The following NWD2 variants were observed in gnomAD, a reference collection of about 807,000 sequenced individuals.
The protein encoded by NWD2 is NACHT and WD repeat domain-containing protein 2.
A neutral mutation model predicts 132.7 loss-of-function variants in NWD2; 37 were observed. The observed-to-expected ratio is 0.28, with a 90% CI of 0.21 to 0.37. The LOEUF is 0.37. NWD2 is among the 10% of genes least tolerant of loss of function. The pLI is 1.00. For synonymous variants in NWD2, 705 were observed against 803.0 expected, an observed-to-expected ratio of 0.88 and a Z score of 2.06; for missense variants, 1,592 against 2,122.4, an observed-to-expected ratio of 0.75 and a Z score of 4.91.
intron 3 of NWD2, among the ~76,000 whole-genome samples, chr4:37,408,980 C>T (rs1231801455): frequency 1.3e-5 from 2 of 151,804 alleles, no homozygotes; most frequent in African/African-American, 4.8e-5. Flanking sequence ...AATAGCATGT[C>T]CACTCAAAGA....
At chr4:37,245,360 G>A (rs1307305300) in intron 1 of NWD2, 142 bp downstream of exon 1, 34 of 1,062,482 alleles carry the variant, frequency 3.2e-5, no homozygotes, top group Non-Finnish European at 4.4e-5. Flanking sequence ...TGAGCGCGTG[G>A]GAATTTAATT....
rs1469788300 is a variant in NWD2, at chr4:37,430,568, A to G, written c.358-4A>G. 6.5e-7 allele frequency: 1 copy of G among 1,549,748 alleles called. No individual in the cohort carries two copies. The highest frequency in any genetic ancestry group is 8.7e-7 in the Non-Finnish European group (1 of 1,145,316). ...CTAAATTGAACTTTCTTGTTGATAC[A>G]CAGGGACTATTAGGTGAAAAATATG... On this transcript the variant is annotated splice_polypyrimidine_tract_variant and splice_region_variant and intron_variant, in intron 3 of 6. Transcript: ENST00000309447.
chr4:37,346,282 T>C (rs1157733984), intron 2 of NWD2, among the ~76,000 whole-genome samples: 1 of 152,174 alleles, frequency 6.6e-6, no homozygotes, highest in Non-Finnish European at 1.5e-5. Context: ...GGATGTGACA[T>C]TGAATTGTTT....
At chr4:37,268,312 T>C (rs534827361) in intron 1 of NWD2, among the ~76,000 whole-genome samples, 1 of 152,134 alleles carries the variant, frequency 6.6e-6, no homozygotes, top group Non-Finnish European at 1.5e-5. Flanking sequence ...TTTAAGGTTT[T>C]GGTTTAAAAT....
chr4:37,443,755 A>G lies in NWD2; in HGVS notation c.1767A>G (p.Lys589=). The G allele has an allele frequency of 6.4e-7, 1 of 1,551,964 alleles. No individual in the cohort carries two copies. Among genetic ancestry groups the G allele is most frequent in the Non-Finnish European group, 8.7e-7 (1 of 1,147,070 alleles). The change falls in exon 7 of 7, where the codon AAA becomes AAG. Residue 589 remains lysine, a synonymous_variant. Transcript: ENST00000309447. The surrounding 1 kb of genome is among the most constrained non-coding windows in gnomAD (Gnocchi z 4.1). The stretch of plus-strand genomic sequence containing the variant: ...TCAAACACCAGCTGCTGCGCGTCAA[A>G]AGGAAGGTCACATCAGGCCAGCAGA... ...QVLKHQLLRV[K]RKVTSGQQIY... is the part of the protein sequence containing the mutation.
At position 37,444,866 on chromosome 4, in the gene NWD2, C is replaced by T. The variant is rs762441618; in HGVS notation, c.2878C>T (p.Arg960Cys). The change falls in exon 7 of 7, where the codon CGT becomes TGT. Residue 960 changes from arginine to cysteine, a missense_variant. Transcript: ENST00000309447. This position sits in a 1 kb window ranked among gnomAD's most constrained non-coding sequence, Gnocchi z 4.8. Reference protein sequence around the residue: ...SSMDVTYSPERLPLSSSHLHV... With the variant: ...SSMDVTYSPECLPLSSSHLHV... ...CATGGATGTGACATACAGCCCAGAGCGTCTTCCCTTATCATCCAGTCACCT... is the reference window on the plus strand; with the variant it reads ...CATGGATGTGACATACAGCCCAGAGTGTCTTCCCTTATCATCCAGTCACCT... 5.3e-5 allele frequency: 83 copies of T among 1,552,132 alleles called. No homozygotes were observed. Among genetic ancestry groups the T allele is most frequent in the East Asian group, 9.8e-5 (4 of 40,928 alleles).
At chr4:37,418,019 A>C (rs907595877) in intron 3 of NWD2, among the ~76,000 whole-genome samples, 3 of 152,192 alleles carry the variant, frequency 2.0e-5, no homozygotes, top group Non-Finnish European at 2.9e-5. Flanking sequence ...CAAAGTAGCA[A>C]CAACAACATC....
chr4:37,405,411 T>C (rs1460818609), intron 3 of NWD2, among the ~76,000 whole-genome samples: 1 of 148,928 alleles, frequency 6.7e-6, no homozygotes, highest in Non-Finnish European at 1.5e-5. Flanking sequence ...AGCAATTTTT[T>C]AGTTGAATGT....
At chr4:37,301,011 A>C (rs1432286523) in intron 1 of NWD2, among the ~76,000 whole-genome samples, 4 of 152,084 alleles carry the variant, frequency 2.6e-5, no homozygotes, top group African/African-American at 9.7e-5. Flanking sequence ...TTTTTCTTCT[A>C]CCTTCTAAAG....
intron 3 of NWD2, among the ~76,000 whole-genome samples, chr4:37,382,794 A>C (rs986413904): frequency 1.8e-4 from 28 of 151,874 alleles, no homozygotes; most frequent in Non-Finnish European, 3.7e-4. Flanking sequence ...AGGTTCAAGC[A>C]ATTCTTGTGC....
rs1380381585 is a variant in NWD2 at position 37,364,868 on chromosome 4, CA to C, written c.357+8387del. ...CAGAGAGCTACATTTTGAACGGGGC[CA>C]TATTTTAAACCAAAAATATGACAAC... On this transcript the variant is annotated intron_variant, in intron 3 of 6. Transcript: ENST00000309447. Among the ~76,000 whole-genome samples, 5 of 152,208 alleles carry C rather than the reference CA, an allele frequency of 3.3e-5. No homozygotes were observed. In the South Asian group the frequency reaches 1.0e-3, roughly 32 times the overall value.
chr4:37,352,200 G>C (rs1719782595), intron 2 of NWD2, among the ~76,000 whole-genome samples: 1 of 152,064 alleles, frequency 6.6e-6, no homozygotes, highest in Non-Finnish European at 1.5e-5. Context: ...TAAGTCCCCT[G>C]TTCCAGAGCT....
intron 2 of NWD2, among the ~76,000 whole-genome samples, chr4:37,342,342 G>C (rs986921866): frequency 6.6e-6 from 1 of 152,040 alleles, no homozygotes; most frequent in Non-Finnish European, 1.5e-5. Flanking sequence ...AAAGCTTCCT[G>C]ATGCCCCACC....
rs371424148 is a variant in NWD2 at position 37,272,916 on chromosome 4, T to A, written c.151+27698T>A. 6.1e-4 allele frequency among the ~76,000 whole-genome samples: 93 copies of A among 151,900 alleles called. 2 individuals carry two copies. In the South Asian group the frequency reaches 0.018, roughly 30 times the overall value. On this transcript the variant is annotated intron_variant, in intron 1 of 6. Coordinates refer to ENST00000309447, the MANE Select transcript of NWD2 (RefSeq NM_001144990.2). ...ATGTTATCTCCTGGAGAATGCTCCA[T>A]GTTTGAAGAGAAGGTATATTCTCCA...
At chr4:37,367,314 G>GATTCA (rs1383727858) in intron 3 of NWD2, among the ~76,000 whole-genome samples, 1 of 152,024 alleles carries the variant, frequency 6.6e-6, no homozygotes, top group Admixed American at 6.6e-5. Flanking sequence ...AAAACTTGTG[G>GATTCA]ATTCAGCTAA....
At chr4:37,340,981 C>T (rs1341464338) in intron 2 of NWD2, among the ~76,000 whole-genome samples, 3 of 152,154 alleles carry the variant, frequency 2.0e-5, no homozygotes, top group Non-Finnish European at 2.9e-5. Context: ...CTCCTACTCG[C>T]TATACCATAC....
chr4:37,401,082 G>A (rs1720887457), intron 3 of NWD2, among the ~76,000 whole-genome samples: 1 of 152,204 alleles, frequency 6.6e-6, no homozygotes, highest in Admixed American at 6.5e-5. Context: ...GTAAGTGTCA[G>A]TAAACTACTG....
Position 37,421,402 on chromosome 4 carries a change from C to A in NWD2, c.358-9170C>A, listed in dbSNP as rs190529927. Among the ~76,000 whole-genome samples the A allele has an allele frequency of 1.9e-3, 293 of 152,238 alleles. 1 individual carries two copies. The highest frequency in any genetic ancestry group is 6.8e-3 in the African/African-American group (284 of 41,542). ...GGCTGTTCCCTTTGTTCTGATATTT[C>A]TAAAGAATAATGGTTGTGTTCAGTG... On this transcript the variant is annotated intron_variant, in intron 3 of 6. Transcript: ENST00000309447.
chr4:37,447,428 G>T lies in NWD2; in HGVS notation c.*211G>T. ...ATCCAGAATGTCAGAATTTCTAGTAGTAATATTTAAATGGTTACTTCATCT... is the reference window on the plus strand; with the variant it reads ...ATCCAGAATGTCAGAATTTCTAGTATTAATATTTAAATGGTTACTTCATCT... On this transcript the variant is annotated 3_prime_UTR_variant, in exon 7 of 7. Coordinates refer to ENST00000309447, the MANE Select transcript of NWD2 (RefSeq NM_001144990.2). 1 of 576,274 alleles carries T rather than the reference G, an allele frequency of 1.7e-6. No individual in the cohort carries two copies. 35.7% of individuals were successfully genotyped at this position (576,274 alleles called of 1,614,324 possible). A position where few individuals can be genotyped will look rare whatever the true frequency, so the allele number is the denominator to read the frequency against.
Sources: gnomAD v4.1 joint callset for allele counts (sites outside exome capture counted in the v4.1 genomes callset) on GRCh38, gnomAD v4.1.1 for gene constraint, Gnocchi (gnomAD v3.1) non-coding constraint, MANE v1.5 for transcripts, NCBI Gene and HGNC (gene_info 2026-07-23, HGNC 2026-07-21) for gene names.